CDH13: variants seen among roughly 807,000 people sequenced by gnomAD.
The protein encoded by CDH13 is cadherin 13, also known as cadherin-13.
A neutral mutation model predicts 63.8 loss-of-function variants in CDH13; 24 were observed. The observed-to-expected ratio is 0.38, with a 90% CI of 0.27 to 0.53. The LOEUF is 0.53. Among genes scored for constraint, CDH13 ranks in the 20% least tolerant of loss-of-function variants. The pLI is 0.85. For synonymous variants in CDH13, 503 were observed against 355.3 expected (o/e 1.42, Z -4.67); for missense variants, 1,049 against 903.1 (o/e 1.16, Z -2.07).
intron 8 of CDH13, among the ~76,000 whole-genome samples, chr16:83,668,549 G>C (rs919270575): frequency 2.0e-5 from 3 of 152,218 alleles, no homozygotes; most frequent in Non-Finnish European, 2.9e-5. Flanking sequence ...AGAACCACAA[G>C]GACGGGTTAT....
At chr16:83,442,150 C>T (rs761910472) in intron 6 of CDH13, among the ~76,000 whole-genome samples, 2 of 152,148 alleles carry the variant, frequency 1.3e-5, no homozygotes, top group Non-Finnish European at 2.9e-5. Context: ...ATGCCACCTG[C>T]GTCTTAGCTC....
chr16:83,105,948 G>A (rs1298925338), intron 3 of CDH13, among the ~76,000 whole-genome samples: 2 of 152,202 alleles, frequency 1.3e-5, no homozygotes, highest in Non-Finnish European at 2.9e-5. Context: ...GCATGTTTGG[G>A]CAACACAGAT....
intron 2 of CDH13, among the ~76,000 whole-genome samples, chr16:82,892,946 G>A (rs181309677): frequency 6.6e-6 from 1 of 152,260 alleles, no homozygotes; most frequent in African/African-American, 2.4e-5. Context: ...GGCTCTCCAA[G>A]ACAAAGTTTG....
At chr16:83,390,890 A>C (rs1011222952) in intron 6 of CDH13, among the ~76,000 whole-genome samples, 2 of 152,182 alleles carry the variant, frequency 1.3e-5, no homozygotes, top group African/African-American at 4.8e-5. Context: ...AGGCCAGTCA[A>C]ATCCACTGGA....
intron 1 of CDH13, among the ~76,000 whole-genome samples, chr16:82,759,880 A>G (rs545357932): frequency 1.3e-5 from 2 of 152,218 alleles, no homozygotes; most frequent in African/African-American, 4.8e-5. Context: ...CCCTTTCCTT[A>G]TAACCCGTCT....
At chr16:83,088,881 A>C (rs2033746960) in intron 3 of CDH13, among the ~76,000 whole-genome samples, 1 of 152,232 alleles carries the variant, frequency 6.6e-6, no homozygotes, top group African/African-American at 2.4e-5. Context: ...CACAGGCTAG[A>C]TATAGCCCAC....
At chr16:82,691,610 C>A (rs772773359) in intron 1 of CDH13, among the ~76,000 whole-genome samples, 27 of 152,192 alleles carry the variant, frequency 1.8e-4, no homozygotes, top group Non-Finnish European at 2.9e-4. Context: ...TCTTATAGAT[C>A]CACTCTGGGG....
chr16:83,321,696 T>C (rs2090229937), intron 5 of CDH13, among the ~76,000 whole-genome samples: 1 of 151,860 alleles, frequency 6.6e-6, no homozygotes, highest in African/African-American at 2.4e-5. Context: ...GCCCAGCTAA[T>C]TTTTTGTATT....
intron 8 of CDH13, among the ~76,000 whole-genome samples, chr16:83,667,131 A>G (rs978634618): frequency 2.0e-5 from 3 of 146,416 alleles, no homozygotes; most frequent in East Asian, 2.0e-4. Context: ...ATGGATGGAT[A>G]AATAGATAGA....
intron 8 of CDH13, among the ~76,000 whole-genome samples, chr16:83,627,917 T>C (rs1326393154): frequency 1.3e-5 from 2 of 152,196 alleles, no homozygotes; most frequent in Admixed American, 6.5e-5. Flanking sequence ...TTCAAGACTT[T>C]TCCAGGAAAT....
At chr16:83,154,058 A>G (rs1012955147) in intron 4 of CDH13, among the ~76,000 whole-genome samples, 5 of 152,166 alleles carry the variant, frequency 3.3e-5, no homozygotes, top group African/African-American at 1.2e-4. Context: ...GTTGATATCA[A>G]GCTTGACCAT....
intron 1 of CDH13, among the ~76,000 whole-genome samples, chr16:82,732,206 C>T (rs1383366957): frequency 2.0e-5 from 3 of 152,054 alleles, no homozygotes; most frequent in Admixed American, 6.6e-5. Context: ...TCTTTATCAT[C>T]GTGTCTTTGG....
intron 6 of CDH13, among the ~76,000 whole-genome samples, chr16:83,483,652 A>G (rs1209011506): frequency 6.6e-6 from 1 of 152,126 alleles, no homozygotes; most frequent in Non-Finnish European, 1.5e-5. Context: ...ACTTAACTGG[A>G]GACTGGTGTG....
intron 7 of CDH13, among the ~76,000 whole-genome samples, chr16:83,575,650 C>G (rs1905039598): frequency 6.6e-6 from 1 of 152,192 alleles, no homozygotes; most frequent in African/African-American, 2.4e-5. Flanking sequence ...TCCTCATTAC[C>G]TCTTAACCTC....
At chr16:82,745,234 C>T (rs1036164568) in intron 1 of CDH13, among the ~76,000 whole-genome samples, 1 of 152,078 alleles carries the variant, frequency 6.6e-6, no homozygotes, top group Non-Finnish European at 1.5e-5. Context: ...CAATGGTAGC[C>T]GCTTTGCTTT....
rs192848749 is a variant in CDH13, at chr16:83,433,348, G to C, written c.782-53129G>C. Among the ~76,000 whole-genome samples the C allele has an allele frequency of 1.3e-3, 201 of 152,318 alleles. 1 individual carries two copies. The highest frequency in any genetic ancestry group is 4.8e-3 in the African/African-American group (198 of 41,570). On this transcript the variant is annotated intron_variant, in intron 6 of 13. Transcript: ENST00000567109. ...CCTTCCCCTTGAGGCTTGTTGAGTA[G>C]TTCCAATGAGTCAGCAAAAAATGAG...
At chr16:82,722,686 AC>A (rs1335358483) in intron 1 of CDH13, among the ~76,000 whole-genome samples, 1 of 152,166 alleles carries the variant, frequency 6.6e-6, no homozygotes, top group Non-Finnish European at 1.5e-5. Flanking sequence ...AAGGACAGGT[AC>A]CTACTACGAG....
At chr16:82,935,201 G>T (rs888294621) in intron 2 of CDH13, among the ~76,000 whole-genome samples, 2 of 152,124 alleles carry the variant, frequency 1.3e-5, no homozygotes, top group African/African-American at 4.8e-5. Context: ...ATCTTCACAT[G>T]GCAGCAAGAT....
intron 11 of CDH13, among the ~76,000 whole-genome samples, chr16:83,759,433 G>T (rs1458508936): frequency 6.6e-6 from 1 of 151,994 alleles, no homozygotes; most frequent in African/African-American, 2.4e-5. Flanking sequence ...AGGAAAAAAT[G>T]CATATTTTAG....
Sources: gnomAD v4.1 joint callset for allele counts (sites outside exome capture counted in the v4.1 genomes callset) on GRCh38, gnomAD v4.1.1 for gene constraint, MANE v1.5 for transcripts, NCBI Gene and HGNC (gene_info 2026-07-23, HGNC 2026-07-21) for gene names.